The following FBXW7 variants were observed in gnomAD, a reference collection of about 807,000 sequenced individuals.
FBXW7 encodes the protein F-box and WD repeat domain containing 7, also known as F-box/WD repeat-containing protein 7.
A neutral mutation model predicts 86.3 loss-of-function variants in FBXW7; 11 were observed. The observed-to-expected ratio is 0.13, with a 90% CI of 0.08 to 0.21. The LOEUF is 0.21. Ranked by LOEUF, FBXW7 falls within the 10% of genes least tolerant of loss-of-function variation. The pLI, the probability that FBXW7 is intolerant of heterozygous loss-of-function variation, is 1.00. For synonymous variants in FBXW7, 313 were observed against 297.9 expected (o/e 1.05, Z -0.52); for missense variants, 488 against 847.4 (o/e 0.58, Z 5.27).
chr4:152,484,060 G>T (rs2054758), intron 2 of FBXW7, among the ~76,000 whole-genome samples: 143,739 of 152,264 alleles, frequency 0.94, 67,916 homozygotes, highest in East Asian at 1. Flanking sequence ...GAGTCTACAT[G>T]CAACACTATT....
rs774922538 is a variant in FBXW7 at position 152,411,610 on chromosome 4, C to G, written c.194G>C (p.Arg65Thr). 6.2e-7 allele frequency: 1 copy of G among 1,613,994 alleles called. No individual in the cohort carries two copies. The highest frequency in any genetic ancestry group is 1.7e-5 in the Admixed American group (1 of 60,002). ...RNGEVVGVEP[R>T]PGGQNDSQQG... ...CTGGGAATCATTTTGGCCTCCAGGT[C>G]TAGGTTCTACTCCAACAACTTCACC... Residue 65 changes from arginine to threonine, a missense_variant, in exon 4 of 14, where the codon AGA (arginine) becomes ACA (threonine). By Grantham distance (71) the Arg-to-Thr change is moderately conservative. Transcript: ENST00000281708.
At chr4:152,437,378 CAAA>C (rs752037515) in intron 2 of FBXW7, among the ~76,000 whole-genome samples, 1 of 127,640 alleles carries the variant, frequency 7.8e-6, no homozygotes, top group Non-Finnish European at 1.7e-5. Flanking sequence ...GACTCCATCT[CAAA>C]AAAAAAAAAA....
chr4:152,337,087 T>A (rs1281591063), intron 7 of FBXW7, among the ~76,000 whole-genome samples: 4 of 151,928 alleles, frequency 2.6e-5, no homozygotes, highest in Non-Finnish European at 5.9e-5. Context: ...ATAATATCAA[T>A]AAAGGAACTA....
chr4:152,506,298 A>AT (rs1449091652), intron 2 of FBXW7, among the ~76,000 whole-genome samples: 1 of 151,852 alleles, frequency 6.6e-6, no homozygotes, highest in Admixed American at 6.6e-5. Context: ...CACCCAGCTA[A>AT]TTTTTTGTAT....
At chr4:152,520,261 G>A (rs993422364) in intron 2 of FBXW7, among the ~76,000 whole-genome samples, 7 of 151,052 alleles carry the variant, frequency 4.6e-5, no homozygotes, top group Non-Finnish European at 8.9e-5. Context: ...GTGAAACCCC[G>A]TCTCTACTAA....
chr4:152,502,667 A>G (rs955316746), intron 2 of FBXW7, among the ~76,000 whole-genome samples: 2 of 152,164 alleles, frequency 1.3e-5, no homozygotes, highest in African/African-American at 2.4e-5. Flanking sequence ...ATACACAATC[A>G]AGTAGAGATA....
intron 4 of FBXW7, among the ~76,000 whole-genome samples, chr4:152,369,912 A>G (rs968460069): frequency 6.6e-6 from 1 of 152,056 alleles, no homozygotes; most frequent in Non-Finnish European, 1.5e-5. Flanking sequence ...CACATGTAAG[A>G]ACATGAACTG....
intron 7 of FBXW7, among the ~76,000 whole-genome samples, chr4:152,336,599 G>T (rs933147901): frequency 6.6e-6 from 1 of 152,030 alleles, no homozygotes; most frequent in African/African-American, 2.4e-5. Flanking sequence ...CCTTCTGGAA[G>T]CAAAGAGAGC....
intron 2 of FBXW7, among the ~76,000 whole-genome samples, chr4:152,434,606 G>A (rs1740209785): frequency 6.6e-6 from 1 of 152,126 alleles, no homozygotes; most frequent in African/African-American, 2.4e-5. Flanking sequence ...GAAAAGAGAG[G>A]TTCTTGTATC....
chr4:152,535,595 G>A lies in FBXW7; in HGVS notation c.-681C>T. ...GGTGGCCGAGTCGGCGGCAAGGCGA[G>A]GGACCCGGCCGGCTCCGCTCGGCGC... is the stretch of plus-strand genomic sequence containing the variant. On this transcript the variant is annotated 5_prime_UTR_variant, in exon 1 of 14. Transcript: ENST00000281708. 1 of 397,022 alleles carries A rather than the reference G, an allele frequency of 2.5e-6. No individual in the cohort carries two copies. The highest frequency in any genetic ancestry group is 4.4e-6 in the Non-Finnish European group (1 of 224,988). 24.6% of individuals were successfully genotyped at this position (397,022 alleles called of 1,614,324 possible).
chr4:152,446,814 T>TAA (rs1741444931), intron 2 of FBXW7, among the ~76,000 whole-genome samples: 1 of 152,230 alleles, frequency 6.6e-6, no homozygotes. Context: ...ATATCCATGA[T>TAA]TAATTTGCTG....
rs998279719 is a variant in FBXW7 at position 152,513,854 on chromosome 4, T to C, written c.-120+21087A>G. On this transcript the variant is annotated intron_variant, in intron 2 of 13. Transcript: ENST00000281708. Reference sequence around the variant, plus strand: ...TTCTTGTGGAGTCCACATGCTATTGTCTTTTCCTAAAAAGTTCATAATCTA... The same window carrying C: ...TTCTTGTGGAGTCCACATGCTATTGCCTTTTCCTAAAAAGTTCATAATCTA... Among the ~76,000 whole-genome samples, 7 of 152,264 alleles carry C rather than the reference T, an allele frequency of 4.6e-5. No individual in the cohort carries two copies. The South Asian group carries it at 1.4e-3, about 31-fold the overall frequency.
At chr4:152,479,490 T>C (rs561517741) in intron 2 of FBXW7, among the ~76,000 whole-genome samples, 104 of 152,216 alleles carry the variant, frequency 6.8e-4, no homozygotes, top group Middle Eastern at 3.4e-3. Flanking sequence ...CACACATATC[T>C]TTTTCTTAAG....
chr4:152,532,875 C>G (rs961630029), intron 2 of FBXW7, among the ~76,000 whole-genome samples: 1 of 152,080 alleles, frequency 6.6e-6, no homozygotes, highest in African/African-American at 2.4e-5. Flanking sequence ...TCTACCCAAA[C>G]GTGCAATAAA....
At chr4:152,360,445 G>A (rs143165937) in intron 4 of FBXW7, among the ~76,000 whole-genome samples, 88 of 152,156 alleles carry the variant, frequency 5.8e-4, no homozygotes, top group African/African-American at 2.0e-3. Context: ...AAAGTTACTC[G>A]GGGCAACAGG....
At chr4:152,375,105 C>T (rs561758599) in intron 4 of FBXW7, among the ~76,000 whole-genome samples, 1 of 151,596 alleles carries the variant, frequency 6.6e-6, no homozygotes, top group South Asian at 2.1e-4. Context: ...TTAAGGCAAA[C>T]CAGGATTGGG....
chr4:152,488,240 A>T (rs998048249), intron 2 of FBXW7, among the ~76,000 whole-genome samples: 6 of 152,048 alleles, frequency 3.9e-5, no homozygotes, highest in East Asian at 3.8e-4. Context: ...ACTGGTGCAT[A>T]AAAAAATATA....
rs557705397 is a variant in FBXW7, at chr4:152,530,209, A to T, written c.-120+4732T>A. 2.6e-5 allele frequency: 4 copies of T among 152,256 alleles called. No homozygotes were observed. The South Asian group carries it at 8.3e-4, about 32-fold the overall frequency. The allele number at this position is 152,256 out of a possible 1,614,324, so 9.4% of individuals were successfully genotyped here. The stretch of plus-strand genomic sequence containing the variant: ...TGATTTAAGTGATTTGTTAATATAC[A>T]CTAGTACTTGAAATTAACAAAACAA... On this transcript the variant is annotated intron_variant, in intron 2 of 13. Coordinates refer to ENST00000281708, the MANE Select transcript of FBXW7 (RefSeq NM_001349798.2).
intron 2 of FBXW7, among the ~76,000 whole-genome samples, chr4:152,413,584 G>T (rs1303761363): frequency 1.3e-5 from 2 of 152,038 alleles, no homozygotes; most frequent in Non-Finnish European, 2.9e-5. Flanking sequence ...GCACCTTAAA[G>T]TAACTACATA....
Sources: allele counts gnomAD v4.1 joint callset (sites outside exome capture counted in the v4.1 genomes callset), GRCh38; gene constraint gnomAD v4.1.1; transcripts MANE v1.5; gene names NCBI Gene and HGNC (gene_info 2026-07-23, HGNC 2026-07-21).